Variants in KCNH1 observed in about 807,000 individuals in gnomAD.
The protein encoded by KCNH1 is potassium voltage-gated channel subfamily H member 1, also known as voltage-gated delayed rectifier potassium channel KCNH1.
A neutral mutation model predicts 69.2 loss-of-function variants in KCNH1; 27 were observed. The observed-to-expected ratio is 0.39, with a 90% CI of 0.29 to 0.54. The LOEUF is 0.54. KCNH1 is among the 20% of genes least tolerant of loss of function. The pLI, the probability that KCNH1 is intolerant of heterozygous loss-of-function variation, is 0.68. For missense variants in KCNH1, 798 were observed against 1,261.6 expected (o/e 0.63, Z 5.57); for synonymous variants, 456 against 487.7 (o/e 0.93, Z 0.86).
chr1:210,942,106 T>C (rs1435371094), intron 6 of KCNH1, among the ~76,000 whole-genome samples: 1 of 152,166 alleles, frequency 6.6e-6, no homozygotes, highest in African/African-American at 2.4e-5. Context: ...CCAGTAAATA[T>C]ATAGTTCCAA....
rs144302467 is a variant in KCNH1 at position 210,705,946 on chromosome 1, G to A, written c.2113-21808C>T. Among the ~76,000 whole-genome samples the A allele has an allele frequency of 6.9e-4, 105 of 152,318 alleles. No homozygotes were observed. In the South Asian group the frequency reaches 0.013, roughly 18 times the overall value. Reference sequence around the variant, plus strand: ...AGCAGCACTGAATGCTAAGAGCCAGGTGATATTTGCATATTGTATTTTACT... The same window carrying A: ...AGCAGCACTGAATGCTAAGAGCCAGATGATATTTGCATATTGTATTTTACT... On this transcript the variant is annotated intron_variant, in intron 10 of 10. Transcript: ENST00000271751.
At chr1:210,862,679 T>C (rs996877469) in intron 7 of KCNH1, among the ~76,000 whole-genome samples, 2 of 152,204 alleles carry the variant, frequency 1.3e-5, no homozygotes, top group African/African-American at 4.8e-5. Flanking sequence ...AATTCCTTTT[T>C]GCTTTGCTCA....
At chr1:211,071,402 A>G (rs1690640098) in intron 5 of KCNH1, among the ~76,000 whole-genome samples, 1 of 152,242 alleles carries the variant, frequency 6.6e-6, no homozygotes, top group Admixed American at 6.5e-5. Flanking sequence ...TATAAAATTT[A>G]CTAGAGAGAA....
rs1468588549 is a variant in KCNH1, at chr1:210,860,201, G to A, written c.1463-56035C>T. 3 of 1,314,882 alleles carry A rather than the reference G, an allele frequency of 2.3e-6. No individual in the cohort carries two copies. The South Asian group carries it at 3.5e-5, about 15-fold the overall frequency. 81.5% of individuals were successfully genotyped at this position (1,314,882 alleles called of 1,614,324 possible). ...ACTGTTACATAATTATAAAGGAGGG[G>A]CATCATATCTGTAAAGTAATCAAAG... On this transcript the variant is annotated intron_variant, in intron 7 of 10. Transcript: ENST00000271751.
intron 10 of KCNH1, among the ~76,000 whole-genome samples, chr1:210,739,505 T>C (rs747432026): frequency 1.3e-5 from 2 of 152,232 alleles, no homozygotes; most frequent in Non-Finnish European, 2.9e-5. Context: ...TGGAAAGTCC[T>C]CAGAGATGAA....
rs182133554 is a variant in KCNH1, at chr1:211,045,707, G to C, written c.559-26451C>G. 7.9e-5 allele frequency among the ~76,000 whole-genome samples: 12 copies of C among 152,124 alleles called. No homozygotes were observed. In the East Asian group the frequency reaches 1.9e-3, roughly 24 times the overall value. ...TGTCTGATAAACACACTTAACATAA[G>C]TTCTACCCTCTTAGCAAATTTTTAA... On this transcript the variant is annotated intron_variant, in intron 5 of 10. Transcript: ENST00000271751.
chr1:210,743,136 G>A (rs1683074901), intron 10 of KCNH1, among the ~76,000 whole-genome samples: 2 of 152,148 alleles, frequency 1.3e-5, no homozygotes, highest in South Asian at 4.1e-4. Context: ...GTCATGGGGA[G>A]TAGAAGAAAG....
intron 6 of KCNH1, among the ~76,000 whole-genome samples, chr1:210,993,602 C>T (rs558671885): frequency 6.6e-6 from 1 of 152,340 alleles, no homozygotes; most frequent in African/African-American, 2.4e-5. Flanking sequence ...ACATTTAACA[C>T]TCATTCCCAT....
At chr1:210,933,891 C>T (rs1687727563) in intron 6 of KCNH1, among the ~76,000 whole-genome samples, 1 of 152,078 alleles carries the variant, frequency 6.6e-6, no homozygotes, top group African/African-American at 2.4e-5. Flanking sequence ...TGTATTTACA[C>T]CCAATTTATT....
intron 6 of KCNH1, among the ~76,000 whole-genome samples, chr1:210,978,083 G>A (rs1204888939): frequency 6.7e-6 from 1 of 149,364 alleles, no homozygotes; most frequent in Non-Finnish European, 1.5e-5. Context: ...TCTGTGCCTA[G>A]GCTGGAGTAC....
intron 7 of KCNH1, among the ~76,000 whole-genome samples, chr1:210,867,362 C>CACACAT (rs1491359165): frequency 1.4e-3 from 96 of 67,332 alleles, no homozygotes; most frequent in African/African-American, 3.1e-3. Context: ...CACACACACA[C>CACACAT]ATATATATAT....
chr1:210,960,576 T>C (rs1688273900), intron 6 of KCNH1, among the ~76,000 whole-genome samples: 1 of 152,254 alleles, frequency 6.6e-6, no homozygotes, highest in Non-Finnish European at 1.5e-5. Context: ...TTCATCTACA[T>C]TGTTGCATAT....
At chr1:211,096,821 AAT>A (rs1306483696) in intron 3 of KCNH1, among the ~76,000 whole-genome samples, 1 of 152,232 alleles carries the variant, frequency 6.6e-6, no homozygotes, top group African/African-American at 2.4e-5. Flanking sequence ...AAATCTTTGA[AAT>A]TATTAGAAAG....
intron 10 of KCNH1, among the ~76,000 whole-genome samples, chr1:210,760,170 A>G (rs1381901176): frequency 2.6e-5 from 4 of 152,222 alleles, no homozygotes; most frequent in Non-Finnish European, 1.5e-5. Context: ...GACTGCTGCT[A>G]TACAAGACAA....
intron 6 of KCNH1, among the ~76,000 whole-genome samples, chr1:210,995,731 GGT>G (rs1191268879): frequency 1.3e-5 from 2 of 152,168 alleles, no homozygotes; most frequent in Non-Finnish European, 1.5e-5. Context: ...ACTCAGGTCA[GGT>G]ATCTTCAAGT....
intron 5 of KCNH1, among the ~76,000 whole-genome samples, chr1:211,055,444 A>AAG (rs1467016191): frequency 6.6e-6 from 1 of 152,204 alleles, no homozygotes; most frequent in African/African-American, 2.4e-5. Flanking sequence ...CTGCAAGCCA[A>AAG]AGTCCTCTGT....
In KCNH1 at chr1:211,122,148, C is replaced by T. The variant is rs958374354; in HGVS notation, c.79+11719G>A. 2.6e-5 allele frequency among the ~76,000 whole-genome samples: 4 copies of T among 151,812 alleles called. No homozygotes were observed. The East Asian group carries it at 7.7e-4, about 29-fold the overall frequency. ...GAGACTCCGTCTCAAAAAAAAAAACCATCGAAAAGTGGACAAAGGATATGA... is the reference window on the plus strand; with the variant it reads ...GAGACTCCGTCTCAAAAAAAAAAACTATCGAAAAGTGGACAAAGGATATGA... On this transcript the variant is annotated intron_variant, in intron 1 of 10. Transcript: ENST00000271751.
chr1:210,925,984 A>T (rs923143569), intron 6 of KCNH1, among the ~76,000 whole-genome samples: 2 of 152,166 alleles, frequency 1.3e-5, no homozygotes, highest in African/African-American at 4.8e-5. Context: ...ACTCAATGAA[A>T]ACACAACCTC....
At chr1:210,965,169 A>G (rs1026832317) in intron 6 of KCNH1, among the ~76,000 whole-genome samples, 3 of 152,202 alleles carry the variant, frequency 2.0e-5, no homozygotes, top group Non-Finnish European at 2.9e-5. Context: ...AACTGGAAGC[A>G]TTCCCTTTGA....
Sources: allele counts gnomAD v4.1 joint callset (sites outside exome capture counted in the v4.1 genomes callset), GRCh38; gene constraint gnomAD v4.1.1; transcripts MANE v1.5; gene names NCBI Gene and HGNC (gene_info 2026-07-23, HGNC 2026-07-21).